The following EPHA6 variants were observed in gnomAD, a reference collection of about 807,000 sequenced individuals.
The protein encoded by EPHA6 is ephrin type-A receptor 6.
Under a neutral mutation model 112.0 loss-of-function variants are expected in EPHA6, and 50 were observed. That is an observed-to-expected ratio of 0.45 (90% confidence interval 0.36 to 0.56). The LOEUF is 0.56. EPHA6 is among the 20% of genes least tolerant of loss of function. The pLI, the probability that EPHA6 is intolerant of heterozygous loss-of-function variation, is 0.00. For missense variants in EPHA6, 1,280 were observed against 1,417.4 expected, an observed-to-expected ratio of 0.90 and a Z score of 1.56; for synonymous variants, 529 against 490.7, an observed-to-expected ratio of 1.08 and a Z score of -1.03.
chr3:97,579,426 C>T (rs147238604), intron 11 of EPHA6, among the ~76,000 whole-genome samples: 3 of 152,324 alleles, frequency 2.0e-5, no homozygotes, highest in African/African-American at 7.2e-5. Flanking sequence ...GCCAACTGCT[C>T]ATTCAGCTGA....
At chr3:97,123,250 G>A (rs897869344) in intron 3 of EPHA6, among the ~76,000 whole-genome samples, 2 of 152,018 alleles carry the variant, frequency 1.3e-5, no homozygotes, top group African/African-American at 4.8e-5. Context: ...TAAAAATTCA[G>A]TAATGTATTT....
At chr3:96,932,472 C>A (rs2040375186) in intron 2 of EPHA6, among the ~76,000 whole-genome samples, 1 of 152,090 alleles carries the variant, frequency 6.6e-6, no homozygotes, top group African/African-American at 2.4e-5. Flanking sequence ...AACTGGTTTT[C>A]TATTATTTAA....
chr3:97,458,192 G>C (rs2090763483), intron 7 of EPHA6, among the ~76,000 whole-genome samples: 1 of 151,472 alleles, frequency 6.6e-6, no homozygotes, highest in South Asian at 2.1e-4. Flanking sequence ...AAAATTGCAG[G>C]AGCGCTTAAA....
At chr3:97,656,249 G>A (rs1414354375) in intron 14 of EPHA6, among the ~76,000 whole-genome samples, 1 of 151,786 alleles carries the variant, frequency 6.6e-6, no homozygotes, top group Non-Finnish European at 1.5e-5. Flanking sequence ...GTTGGCTGGA[G>A]GTCACTTCAC....
chr3:97,429,902 G>T (rs1440441214), intron 6 of EPHA6, among the ~76,000 whole-genome samples: 1 of 152,166 alleles, frequency 6.6e-6, no homozygotes, highest in Non-Finnish European at 1.5e-5. Context: ...TACAGATGCT[G>T]CTGTGGATGC....
chr3:97,760,324 T>C lies in EPHA6; in HGVS notation c.*11623T>C, dbSNP rs2036126881. ...TGATCTTTTAATTGTGCTTGGTGCTTTGTTTCTGGAGATATATATATATAT... is the reference window on the plus strand; with the variant it reads ...TGATCTTTTAATTGTGCTTGGTGCTCTGTTTCTGGAGATATATATATATAT... On this transcript the variant is annotated 3_prime_UTR_variant, in exon 18 of 18. Coordinates refer to ENST00000389672, the MANE Select transcript of EPHA6 (RefSeq NM_001080448.3). 1 of 166,760 alleles carries C rather than the reference T, an allele frequency of 6.0e-6. No individual in the cohort carries two copies. The highest frequency in any genetic ancestry group is 2.4e-5 in the African/African-American group (1 of 41,034). The allele number at this position is 166,760 out of a possible 1,614,324, so 10.3% of individuals were successfully genotyped here. A position where few individuals can be genotyped will look rare whatever the true frequency, so the allele number is the denominator to read the frequency against.
chr3:97,455,982 T>G (rs2090671512), intron 7 of EPHA6, among the ~76,000 whole-genome samples: 1 of 152,052 alleles, frequency 6.6e-6, no homozygotes, highest in Non-Finnish European at 1.5e-5. Context: ...GATCATAACT[T>G]TGCTAAATGG....
chr3:96,886,650 A>T (rs1413622629), intron 2 of EPHA6, among the ~76,000 whole-genome samples: 9 of 152,152 alleles, frequency 5.9e-5, no homozygotes, highest in African/African-American at 1.7e-4. Flanking sequence ...GTATCTTATA[A>T]ATGGAGCATT....
intron 14 of EPHA6, among the ~76,000 whole-genome samples, chr3:97,663,516 G>A (rs1233674970): frequency 7.7e-6 from 1 of 129,816 alleles, no homozygotes; most frequent in African/African-American, 3.0e-5. Context: ...CCCGGTGTAT[G>A]ATGTTCCCCT....
chr3:96,999,715 C>T (rs1576291958), intron 3 of EPHA6, among the ~76,000 whole-genome samples: 1 of 151,984 alleles, frequency 6.6e-6, no homozygotes. Context: ...CCTCATGTGT[C>T]TGATAATGCA....
chr3:96,906,885 G>A (rs2038962034), intron 2 of EPHA6, among the ~76,000 whole-genome samples: 1 of 151,926 alleles, frequency 6.6e-6, no homozygotes, highest in Non-Finnish European at 1.5e-5. Flanking sequence ...TTTCTGTAAG[G>A]ATATGCTTAT....
chr3:96,915,920 C>T (rs56175670), intron 2 of EPHA6, among the ~76,000 whole-genome samples: 2,438 of 152,018 alleles, frequency 0.016, 68 homozygotes, highest in African/African-American at 0.049. Flanking sequence ...TTGAATGTGT[C>T]GTATAGGTTT....
At chr3:97,154,226 T>C (rs2076238072) in intron 3 of EPHA6, among the ~76,000 whole-genome samples, 1 of 152,008 alleles carries the variant, frequency 6.6e-6, no homozygotes, top group East Asian at 1.9e-4. Flanking sequence ...TACATCCAAA[T>C]TTGCATATAT....
intron 5 of EPHA6, among the ~76,000 whole-genome samples, chr3:97,300,944 T>A (rs2081067442): frequency 6.6e-6 from 1 of 152,110 alleles, no homozygotes; most frequent in Non-Finnish European, 1.5e-5. Context: ...AATGATATGC[T>A]CCCTCTCATT....
At chr3:97,176,066 G>A (rs746668293) in intron 3 of EPHA6, among the ~76,000 whole-genome samples, 24 of 151,730 alleles carry the variant, frequency 1.6e-4, no homozygotes, top group South Asian at 4.2e-4. Context: ...ATTATGAAGA[G>A]GTGTGTTCTT....
chr3:97,653,367 A>G (rs1240947913), intron 14 of EPHA6, among the ~76,000 whole-genome samples: 1 of 152,050 alleles, frequency 6.6e-6, no homozygotes, highest in Non-Finnish European at 1.5e-5. Flanking sequence ...ATTTCTCAGA[A>G]GAAGACATAC....
chr3:97,591,780 T>C (rs1164577464), intron 11 of EPHA6, among the ~76,000 whole-genome samples: 2 of 152,170 alleles, frequency 1.3e-5, no homozygotes, highest in Non-Finnish European at 2.9e-5. Flanking sequence ...CAAATAAGAA[T>C]GTATTCGTGA....
intron 13 of EPHA6, chr3:97,612,353 T>C (rs1300487983): frequency 2.5e-6 from 1 of 399,376 alleles, no homozygotes; most frequent in Non-Finnish European, 4.9e-6. Flanking sequence ...TTCTTTTTAT[T>C]TTCTTCTTTT....
chr3:96,925,166 G>A (rs1328728324), intron 2 of EPHA6, among the ~76,000 whole-genome samples: 1 of 152,174 alleles, frequency 6.6e-6, no homozygotes, highest in East Asian at 1.9e-4. Flanking sequence ...CTCATAGAAT[G>A]AGTCAGGGAG....
Sources: allele counts gnomAD v4.1 joint callset (sites outside exome capture counted in the v4.1 genomes callset), GRCh38; gene constraint gnomAD v4.1.1; transcripts MANE v1.5; gene names NCBI Gene and HGNC (gene_info 2026-07-23, HGNC 2026-07-21).